OR8B8: variants seen among roughly 807,000 people sequenced by gnomAD.
The protein encoded by OR8B8 is olfactory receptor family 8 subfamily B member 8.
Under a neutral mutation model 10.5 loss-of-function variants are expected in OR8B8, and 8 were observed. That is an observed-to-expected ratio of 0.76 (90% CI 0.45 to 1.38). OR8B8 has a LOEUF of 1.38. OR8B8 is among the 40% of genes most tolerant of loss of function. OR8B8 has a pLI of 0.00. For missense variants in OR8B8, 390 were observed against 380.5 expected, an observed-to-expected ratio of 1.03 and a Z score of -0.21; for synonymous variants, 150 against 145.2, an observed-to-expected ratio of 1.03 and a Z score of -0.24.
Position 124,440,312 on chromosome 11 carries a change from C to T in OR8B8, c.774G>A (p.Met258Ile), listed in dbSNP as rs950890521. ...VSLFFGSGAF[M>I]YLKPFSLLAM... is the part of the protein sequence containing the mutation. ...CTAAAAGAGAAAAGGGTTTGAGGTA[C>T]ATGAATGCTCCTGACCCAAAGAACA... is the stretch of plus-strand genomic sequence containing the variant. Residue 258 changes from methionine to isoleucine, a missense_variant, in exon 3 of 3, where the codon ATG (methionine) becomes ATA (isoleucine). Physicochemically the swap from Met to Ile is conservative, Grantham distance 10. Coordinates refer to ENST00000642064, the MANE Select transcript of OR8B8 (RefSeq NM_012378.2). 6.2e-7 allele frequency: 1 copy of T among 1,614,154 alleles called. No homozygotes were observed. Among genetic ancestry groups the T allele is most frequent in the Non-Finnish European group, 8.5e-7 (1 of 1,180,018 alleles).
intron 1 of OR8B8, among the ~76,000 whole-genome samples, chr11:124,444,001 G>A (rs1293561062): frequency 6.6e-6 from 1 of 151,860 alleles, no homozygotes; most frequent in African/African-American, 2.4e-5. Context: ...ATTCTTCTTA[G>A]TACATCAAAA....
Position 124,440,925 on chromosome 11 carries a change from T to C in OR8B8, c.161A>G (p.His54Arg). ...GAAGAAGTACATAGGGGTGTGCAAG[T>C]GAGAGTTGAGCCTTATCAGGGTTAT... ...GLITLIRLNSHLHTPMYFFLY... is the reference protein window; with the variant it reads ...GLITLIRLNSRLHTPMYFFLY... The change falls in exon 3 of 3, where the codon CAC becomes CGC. Residue 54 changes from histidine to arginine, a missense_variant. Transcript: ENST00000642064. 1 of 1,613,972 alleles carries C rather than the reference T, an allele frequency of 6.2e-7. No homozygotes were observed. The highest frequency in any genetic ancestry group is 8.5e-7 in the Non-Finnish European group (1 of 1,179,992).
chr11:124,441,246 G>C (rs1306353301), intron 2 of OR8B8, 145 bp from the exon 3 acceptor site: 5 of 617,234 alleles, frequency 8.1e-6, no homozygotes, highest in Non-Finnish European at 1.4e-5. Flanking sequence ...GGCTCCCTCT[G>C]GAGCAAGCCC....
Position 124,441,024 on chromosome 11 carries a change from G to C in OR8B8, c.62C>G (p.Pro21Arg). 1 of 1,613,684 alleles carries C rather than the reference G, an allele frequency of 6.2e-7. No homozygotes were observed. Among genetic ancestry groups the C allele is most frequent in the Non-Finnish European group, 8.5e-7 (1 of 1,180,022 alleles). The change falls in exon 3 of 3, where the codon CCG becomes CGG. Residue 21 changes from proline to arginine, a missense_variant. Coordinates refer to ENST00000642064, the MANE Select transcript of OR8B8 (RefSeq NM_012378.2). Reference sequence around the variant, plus strand: ...GAAGAAGAGGGGGATCTGGACTCCCGGTTGGTCAGTTAAGCCTGCGAGGAT... The same window carrying C: ...GAAGAAGAGGGGGATCTGGACTCCCCGTTGGTCAGTTAAGCCTGCGAGGAT... ...QFILAGLTDQ[P>R]GVQIPLFFLF... is the part of the protein sequence containing the mutation.
chr11:124,440,801 T>C lies in OR8B8; in HGVS notation c.285A>G (p.Ala95=), dbSNP rs373622185. Residue 95 remains alanine (A), a synonymous_variant, in exon 3 of 3, where the codon GCA becomes GCG. Coordinates refer to ENST00000642064, the MANE Select transcript of OR8B8 (RefSeq NM_012378.2). ...AGAAGAAGAGCTGAGTCATACACCC[T>C]GCGTAGGAGATGCTGTTCTTCTTTA... ...FVLKKNSISY[A]GCMTQLFFFL... 5 of 1,614,072 alleles carry C rather than the reference T, an allele frequency of 3.1e-6. No homozygotes were observed. The highest frequency in any genetic ancestry group is 4.2e-6 in the Non-Finnish European group (5 of 1,180,038).
rs761459843 is a variant in OR8B8, at chr11:124,440,100, A to AT, written c.*49_*50insA. ...TTCTTCCATGTAACCAGTGGAGTCCAAATCACTTATGGGAGAAACAGTGTT... is the reference window on the plus strand; with the variant it reads ...TTCTTCCATGTAACCAGTGGAGTCCATAATCACTTATGGGAGAAACAGTGTT... On this transcript the variant is annotated 3_prime_UTR_variant, in exon 3 of 3. Coordinates refer to ENST00000642064, the MANE Select transcript of OR8B8 (RefSeq NM_012378.2). The AT allele has an allele frequency of 6.9e-7, 1 of 1,457,170 alleles. No individual in the cohort carries two copies. The highest frequency in any genetic ancestry group is 1.4e-5 in the African/African-American group (1 of 70,406). The allele number at this position is 1,457,170 out of a possible 1,614,324, so 90.3% of individuals were successfully genotyped here.
At chr11:124,441,354 A>T (rs1380565767) in intron 2 of OR8B8, 134 bp downstream of exon 2, 2 of 446,806 alleles carry the variant, frequency 4.5e-6, no homozygotes, top group Non-Finnish European at 4.1e-6. Context: ...ACTTAAGTTT[A>T]CAGAAACTGG....
rs1362019976 is a variant in OR8B8, at chr11:124,440,913, G to C, written c.173C>G (p.Pro58Arg). Residue 58 changes from proline to arginine, a missense_variant, in exon 3 of 3, where the codon CCT becomes CGT. By Grantham distance (103) the Pro-to-Arg change is moderately radical. Coordinates refer to ENST00000642064, the MANE Select transcript of OR8B8 (RefSeq NM_012378.2). ...CAAGTTATAGAGGAAGAAGTACATAGGGGTGTGCAAGTGAGAGTTGAGCCT... is the reference window on the plus strand; with the variant it reads ...CAAGTTATAGAGGAAGAAGTACATACGGGTGTGCAAGTGAGAGTTGAGCCT... Reference protein sequence around the residue: ...LIRLNSHLHTPMYFFLYNLSF... With the variant: ...LIRLNSHLHTRMYFFLYNLSF... 1.2e-6 allele frequency: 2 copies of C among 1,614,012 alleles called. No individual in the cohort carries two copies. Among genetic ancestry groups the C allele is most frequent in the African/African-American group, 1.3e-5 (1 of 74,886 alleles).
At chr11:124,445,375 CA>C (rs1166060131) in intron 1 of OR8B8, among the ~76,000 whole-genome samples, 200 bp downstream of exon 1, 2 of 152,236 alleles carry the variant, frequency 1.3e-5, no homozygotes, top group East Asian at 3.9e-4. Flanking sequence ...AAACAGCACT[CA>C]GTTAATGAGA....
chr11:124,445,462 C>T (rs1337250485), intron 1 of OR8B8, 114 bp downstream of exon 1: 1 of 152,226 alleles, frequency 6.6e-6, no homozygotes, highest in African/African-American at 2.4e-5. Flanking sequence ...TGTCTGACCT[C>T]CATGCAGCAA....
Position 124,438,450 on chromosome 11 carries a change from T to TAA in OR8B8, c.*1699_*1700insTT. ...AAGAGAGACTCGTAAGTCAACACAT[T>TAA]TTCACAGCATTTCACATATCATTGT... On this transcript the variant is annotated 3_prime_UTR_variant, in exon 3 of 3. Transcript: ENST00000642064. The TAA allele has an allele frequency of 6.6e-6, 1 of 152,346 alleles. No homozygotes were observed. The allele number at this position is 152,346 out of a possible 1,614,324, so 9.4% of individuals were successfully genotyped here.
chr11:124,439,964 T>G lies in OR8B8; in HGVS notation c.*186A>C, dbSNP rs1306959662. The G allele has an allele frequency of 1.5e-5, 9 of 582,688 alleles. No homozygotes were observed. Among genetic ancestry groups the G allele is most frequent in the South Asian group, 2.4e-5 (1 of 41,722 alleles). 36.1% of individuals were successfully genotyped at this position (582,688 alleles called of 1,614,324 possible). On this transcript the variant is annotated 3_prime_UTR_variant, in exon 3 of 3. Transcript: ENST00000642064. Reference sequence around the variant, plus strand: ...TCCTCAGAAATAGCGGGGAACTGAGTGAAATGATCCTCAAGACTTACTGTG... The same window carrying G: ...TCCTCAGAAATAGCGGGGAACTGAGGGAAATGATCCTCAAGACTTACTGTG...
In OR8B8 at chr11:124,438,369, C is replaced by A. The variant is rs1861426659; in HGVS notation, c.*1781G>T. 6.6e-6 allele frequency: 1 copy of A among 152,258 alleles called. No homozygotes were observed. Among genetic ancestry groups the A allele is most frequent in the African/African-American group, 2.4e-5 (1 of 41,458 alleles). 9.4% of individuals were successfully genotyped at this position (152,258 alleles called of 1,614,324 possible). ...TATTAATCTGCACCATCCCAAAGGG[C>A]AACACTCTACATCCATCCAAACTTT... On this transcript the variant is annotated 3_prime_UTR_variant, in exon 3 of 3. Coordinates refer to ENST00000642064, the MANE Select transcript of OR8B8 (RefSeq NM_012378.2).
Position 124,439,208 on chromosome 11 carries a change from G to A in OR8B8, c.*942C>T, listed in dbSNP as rs1861438392. 1 of 152,340 alleles carries A rather than the reference G, an allele frequency of 6.6e-6. No homozygotes were observed. Among genetic ancestry groups the A allele is most frequent in the Admixed American group, 6.5e-5 (1 of 15,282 alleles). The allele number at this position is 152,340 out of a possible 1,614,324, so 9.4% of individuals were successfully genotyped here. A position where few individuals can be genotyped will look rare whatever the true frequency, so the allele number is the denominator to read the frequency against. On this transcript the variant is annotated 3_prime_UTR_variant, in exon 3 of 3. Transcript: ENST00000642064. The stretch of plus-strand genomic sequence containing the variant: ...GATCCATAACTGACCACCCTAGGCG[G>A]TGGACTTCTCCATCTTGAAGTTTTT...
chr11:124,442,935 A>G (rs1861489631), intron 1 of OR8B8, among the ~76,000 whole-genome samples: 1 of 151,354 alleles, frequency 6.6e-6, no homozygotes, highest in South Asian at 2.1e-4. Flanking sequence ...ATGCTTATTA[A>G]AAGTACAGAT....
At position 124,440,460 on chromosome 11, in the gene OR8B8, A is replaced by T; in HGVS notation, c.626T>A (p.Val209Glu). The T allele has an allele frequency of 6.2e-7, 1 of 1,614,234 alleles. No homozygotes were observed. The highest frequency in any genetic ancestry group is 1.7e-5 in the Admixed American group (1 of 60,028). The change falls in exon 3 of 3, where the codon GTG (valine) becomes GAG (glutamate). Residue 209 changes from valine to glutamate, a missense_variant. Coordinates refer to ENST00000642064, the MANE Select transcript of OR8B8 (RefSeq NM_012378.2). ...VFVVVGIDIG[V>E]PTVTIFISYA... The stretch of plus-strand genomic sequence containing the variant: ...GGAAATGAAGATGGTGACTGTGGGC[A>T]CACCAATATCAATGCCCACAACAAC...
chr11:124,438,148 T>C lies in OR8B8; in HGVS notation c.*2002A>G, dbSNP rs1565361248. The C allele has an allele frequency of 6.6e-6, 1 of 152,216 alleles. No homozygotes were observed. The highest frequency in any genetic ancestry group is 1.5e-5 in the Non-Finnish European group (1 of 68,044). 9.4% of individuals were successfully genotyped at this position (152,216 alleles called of 1,614,324 possible). A position where few individuals can be genotyped will look rare whatever the true frequency, so the allele number is the denominator to read the frequency against. On this transcript the variant is annotated 3_prime_UTR_variant, in exon 3 of 3. Transcript: ENST00000642064. ...AAGAAATTGATGTTCAGAGACATCA[T>C]GTAATGCTAAAGGCAACACAGCTGA...
rs116698447 is a variant in OR8B8 at position 124,445,100 on chromosome 11, C to T, written c.-153+476G>A. ...AATCAGGTAAGGGTTTCTTTACAGC[C>T]TCCCATTTTCTCTTCCTATACCCAT... On this transcript the variant is annotated intron_variant, in intron 1 of 2. Coordinates refer to ENST00000642064, the MANE Select transcript of OR8B8 (RefSeq NM_012378.2). Among the ~76,000 whole-genome samples the T allele has an allele frequency of 9.7e-3, 1,477 of 152,278 alleles. 26 individuals carry two copies. Among genetic ancestry groups the T allele is most frequent in the African/African-American group, 0.034 (1,425 of 41,558 alleles).
At chr11:124,441,341 T>G (rs1861473976) in intron 2 of OR8B8, 147 bp downstream of exon 2, 2 of 474,766 alleles carry the variant, frequency 4.2e-6, no homozygotes, top group African/African-American at 1.9e-5. Context: ...AACTCCAGTT[T>G]CTACTTAAGT....
Sources: allele counts gnomAD v4.1 joint callset (sites outside exome capture counted in the v4.1 genomes callset), GRCh38; gene constraint gnomAD v4.1.1; transcripts MANE v1.5; gene names NCBI Gene and HGNC (gene_info 2026-07-23, HGNC 2026-07-21).